PGAP1: variants seen among roughly 807,000 people sequenced by gnomAD.
PGAP1 encodes the protein GPI inositol-deacylase.
In PGAP1, 76 loss-of-function variants were observed where a neutral mutation model predicts 127.0. That is an observed-to-expected ratio of 0.60 (90% CI 0.50 to 0.72). The LOEUF (loss-of-function observed/expected upper bound fraction) is 0.72. Ranked by LOEUF, PGAP1 falls within the 30% of genes least tolerant of loss-of-function variation. The pLI is 0.00. For missense variants in PGAP1, 982 were observed against 1,071.3 expected (o/e 0.92, Z 1.16); for synonymous variants, 362 against 366.5 (o/e 0.99, Z 0.14).
chr2:196,849,430 A>AT (rs1460135161), intron 20 of PGAP1, among the ~76,000 whole-genome samples: 112 of 149,968 alleles, frequency 7.5e-4, no homozygotes, highest in Admixed American at 1.3e-3. Flanking sequence ...CGCCTGGCTA[A>AT]TTTTTTTGTA....
chr2:196,900,062 CAA>C (rs1383670470), intron 5 of PGAP1, among the ~76,000 whole-genome samples: 4 of 152,156 alleles, frequency 2.6e-5, no homozygotes, highest in African/African-American at 9.7e-5. Context: ...ACAAAACACA[CAA>C]AGTGAGTTTT....
chr2:196,849,261 ATTTTTTTTT>A (rs747641877), intron 20 of PGAP1, among the ~76,000 whole-genome samples: 6 of 135,986 alleles, frequency 4.4e-5, no homozygotes, highest in African/African-American at 1.6e-4. Flanking sequence ...TGTCAGAATA[ATTTTTTTTT>A]TTTTTTTTTT....
At chr2:196,862,432 C>CGGTCCTGT (rs1701100064) in intron 20 of PGAP1, among the ~76,000 whole-genome samples, 1 of 152,110 alleles carries the variant, frequency 6.6e-6, no homozygotes, top group Non-Finnish European at 1.5e-5. Context: ...AATTTCGCCC[C>CGGTCCTGT]GGTCCTGTGG....
Position 196,843,932 on chromosome 2 carries a change from T to C in PGAP1, c.2481A>G (p.Val827=). 1 of 1,583,560 alleles carries C rather than the reference T, an allele frequency of 6.3e-7. No individual in the cohort carries two copies. ...STVINLLTWI[V]LLSMPSLIYW... ...AAATTAGAGAAGGCATGCTGAGTAA[T>C]ACAATCCATGTTAGTAAGTTAATCA... The change falls in exon 25 of 27, where the codon GTA becomes GTG. Residue 827 remains valine (V), a synonymous_variant. Transcript: ENST00000354764.
chr2:196,851,757 G>GA (rs1700729019), intron 20 of PGAP1, among the ~76,000 whole-genome samples: 1 of 152,138 alleles, frequency 6.6e-6, no homozygotes, highest in Non-Finnish European at 1.5e-5. Context: ...AATCAAGGTA[G>GA]AACCTCTTGA....
At chr2:196,888,375 G>C (rs746953001) in intron 10 of PGAP1, among the ~76,000 whole-genome samples, 2 of 152,084 alleles carry the variant, frequency 1.3e-5, no homozygotes, top group Non-Finnish European at 2.9e-5. Context: ...TCTAAAAGTG[G>C]TAAAACCAGA....
At chr2:196,850,853 G>C (rs1032812226) in intron 20 of PGAP1, among the ~76,000 whole-genome samples, 5 of 152,070 alleles carry the variant, frequency 3.3e-5, no homozygotes, top group African/African-American at 1.2e-4. Context: ...TATTATGAAC[G>C]ATTCTTGCAG....
At chr2:196,897,699 T>G (rs985021376) in intron 6 of PGAP1, among the ~76,000 whole-genome samples, 1 of 152,198 alleles carries the variant, frequency 6.6e-6, no homozygotes, top group African/African-American at 2.4e-5. Context: ...GCTCAGACAG[T>G]CCTACCAAAA....
At chr2:196,887,467 T>C (rs1035768910) in intron 10 of PGAP1, among the ~76,000 whole-genome samples, 2 of 152,252 alleles carry the variant, frequency 1.3e-5, no homozygotes, top group African/African-American at 4.8e-5. Context: ...TTTAAGGAAG[T>C]AAGAGCAATG....
intron 14 of PGAP1, among the ~76,000 whole-genome samples, chr2:196,875,064 G>A (rs571177894): frequency 6.6e-6 from 1 of 152,054 alleles, no homozygotes; most frequent in Admixed American, 6.6e-5. Context: ...AAGGAACATT[G>A]CACAAAATAA....
chr2:196,864,415 A>AAAAC (rs1188656265), intron 20 of PGAP1, among the ~76,000 whole-genome samples: 42 of 149,414 alleles, frequency 2.8e-4, no homozygotes, highest in African/African-American at 8.9e-4. Context: ...AAAAAAAAAA[A>AAAAC]GGCATTTGAT....
At chr2:196,898,427 T>A in intron 5 of PGAP1, 58 bp from the exon 6 acceptor site, 1 of 1,181,248 alleles carries the variant, frequency 8.5e-7, no homozygotes, top group Non-Finnish European at 1.2e-6. Context: ...CTCTAAAAGG[T>A]ATGAAATTCT....
In PGAP1 at chr2:196,833,624, C is replaced by T. The variant is rs530928539; in HGVS notation, c.*7610G>A. On this transcript the variant is annotated 3_prime_UTR_variant, in exon 27 of 27. Coordinates refer to ENST00000354764, the MANE Select transcript of PGAP1 (RefSeq NM_024989.4). ...AATAAGATCATGTTTTAAGGAAAGA[C>T]ATTTTCTTTGTATGTGTTTTTAGAG... 9.9e-5 allele frequency: 15 copies of T among 152,190 alleles called. No individual in the cohort carries two copies. Among genetic ancestry groups the T allele is most frequent in the African/African-American group, 2.9e-4 (12 of 41,550 alleles). The allele number at this position is 152,190 out of a possible 1,614,324, so 9.4% of individuals were successfully genotyped here.
chr2:196,850,010 A>C (rs1700671394), intron 20 of PGAP1, among the ~76,000 whole-genome samples: 1 of 152,202 alleles, frequency 6.6e-6, no homozygotes, highest in South Asian at 2.1e-4. Context: ...AGGAATTAAG[A>C]GGTATCAGCA....
intron 25 of PGAP1, among the ~76,000 whole-genome samples, chr2:196,843,605 A>G (rs1407321438): frequency 2.0e-5 from 3 of 152,166 alleles, no homozygotes; most frequent in Non-Finnish European, 4.4e-5. Flanking sequence ...TTATATACAC[A>G]TAGTAAGGGA....
intron 20 of PGAP1, among the ~76,000 whole-genome samples, chr2:196,856,232 G>C (rs919422549): frequency 9.9e-5 from 15 of 151,978 alleles, no homozygotes; most frequent in African/African-American, 3.6e-4. Context: ...GGCCAAGCTG[G>C]TCTCAAACTC....
Position 196,926,500 on chromosome 2 carries a change from C to T in PGAP1, c.117G>A (p.Met39Ile), listed in dbSNP as rs1483209405. Residue 39 changes from methionine (M) to isoleucine (I), a missense_variant, in exon 1 of 27, where the codon ATG becomes ATA. Physicochemically the swap from Met to Ile is conservative, Grantham distance 10 (BLOSUM62 1). Coordinates refer to ENST00000354764, the MANE Select transcript of PGAP1 (RefSeq NM_024989.4). ...FFGFEENKCSMSYMFEYPEYQ... is the reference protein window; with the variant it reads ...FFGFEENKCSISYMFEYPEYQ... ...ACTCCGGGTACTCAAACATGTAGCT[C>T]ATACTGCACTTATTCTCCTCGAAGC... is the stretch of plus-strand genomic sequence containing the variant. The T allele has an allele frequency of 1.2e-6, 2 of 1,610,172 alleles. No individual in the cohort carries two copies. The highest frequency in any genetic ancestry group is 1.1e-5 in the South Asian group (1 of 91,042).
intron 1 of PGAP1, among the ~76,000 whole-genome samples, chr2:196,925,498 A>G (rs927035052): frequency 6.6e-6 from 1 of 152,252 alleles, no homozygotes. Flanking sequence ...GAAATAAAAG[A>G]ATCATTCGGA....
rs750803409 is a variant in PGAP1, at chr2:196,892,330, T to C, written c.1089+16A>G. On this transcript the variant is annotated intron_variant, in intron 9 of 26. Coordinates refer to ENST00000354764, the MANE Select transcript of PGAP1 (RefSeq NM_024989.4). Reference sequence around the variant, plus strand: ...TGGAAAAAACATGAAAAAAAATCCATTGGTGGAATACTTACGTTGTAAGCT... The same window carrying C: ...TGGAAAAAACATGAAAAAAAATCCACTGGTGGAATACTTACGTTGTAAGCT... The C allele has an allele frequency of 3.9e-5, 50 of 1,293,858 alleles. No homozygotes were observed. The highest frequency in any genetic ancestry group is 1.4e-4 in the Admixed American group (6 of 43,438). 80.1% of individuals were successfully genotyped at this position (1,293,858 alleles called of 1,614,324 possible).
Sources: allele counts gnomAD v4.1 joint callset (sites outside exome capture counted in the v4.1 genomes callset), GRCh38; gene constraint gnomAD v4.1.1; transcripts MANE v1.5; gene names NCBI Gene and HGNC (gene_info 2026-07-23, HGNC 2026-07-21).